GRM7: variants seen among roughly 807,000 people sequenced by gnomAD.
GRM7 encodes glutamate metabotropic receptor 7.
A neutral mutation model predicts 84.5 loss-of-function variants in GRM7; 35 were observed. The observed-to-expected ratio is 0.41, with a 90% CI of 0.32 to 0.55. The LOEUF (loss-of-function observed/expected upper bound fraction) is 0.55. Ranked by LOEUF, GRM7 falls within the 20% of genes least tolerant of loss-of-function variation. GRM7 has a pLI of 0.19. For missense variants in GRM7, 1,003 were observed against 1,194.6 expected, an observed-to-expected ratio of 0.84 and a Z score of 2.36; for synonymous variants, 487 against 455.1, an observed-to-expected ratio of 1.07 and a Z score of -0.89.
intron 4 of GRM7, among the ~76,000 whole-genome samples, chr3:7,395,007 C>T (rs1045503127): frequency 8.1e-5 from 12 of 148,576 alleles, no homozygotes; most frequent in South Asian, 4.3e-4. Flanking sequence ...CATTGCACTC[C>T]AGCCTGAGCA....
At chr3:7,519,017 G>A (rs1700493646) in intron 7 of GRM7, among the ~76,000 whole-genome samples, 1 of 152,122 alleles carries the variant, frequency 6.6e-6, no homozygotes, top group South Asian at 2.1e-4. Flanking sequence ...TGACAATGAG[G>A]CATTATTCTC....
At chr3:7,397,719 T>G (rs1695269713) in intron 4 of GRM7, among the ~76,000 whole-genome samples, 1 of 152,100 alleles carries the variant, frequency 6.6e-6, no homozygotes, top group African/African-American at 2.4e-5. Flanking sequence ...TAAAAAGCAT[T>G]AAATCAGTTG....
intron 1 of GRM7, among the ~76,000 whole-genome samples, chr3:7,068,829 CT>C: frequency 6.6e-6 from 1 of 151,998 alleles, no homozygotes; most frequent in East Asian, 1.9e-4. Flanking sequence ...AAAAAAACCC[CT>C]GATATATATT....
chr3:7,475,893 G>A (rs1698902543), intron 7 of GRM7, among the ~76,000 whole-genome samples: 1 of 152,174 alleles, frequency 6.6e-6, no homozygotes, highest in South Asian at 2.1e-4. Context: ...ACCATCTGGA[G>A]CTACTATGGG....
intron 7 of GRM7, among the ~76,000 whole-genome samples, chr3:7,554,022 C>A (rs1262453508): frequency 6.6e-6 from 1 of 152,144 alleles, no homozygotes; most frequent in Admixed American, 6.5e-5. Flanking sequence ...TAAAGGGTCT[C>A]ATGTCTCAGT....
At position 7,144,631 on chromosome 3, in the gene GRM7, G is replaced by C. The variant is rs1006607883; in HGVS notation, c.520-1821G>C. ...TAAGCACTCCTCTGTTCCAGGCATC[G>C]TGCAAAGCAATGCACATTCATTTTC... is the stretch of plus-strand genomic sequence containing the variant. On this transcript the variant is annotated intron_variant, in intron 1 of 9. Coordinates refer to ENST00000357716, the MANE Select transcript of GRM7 (RefSeq NM_000844.4). Among the ~76,000 whole-genome samples, 34 of 152,214 alleles carry C rather than the reference G, an allele frequency of 2.2e-4. 3 individuals are homozygous for C. The highest frequency in any genetic ancestry group is 1.3e-3 in the Admixed American group (20 of 15,280).
chr3:7,733,285 G>A (rs1233149071), intron 9 of GRM7, among the ~76,000 whole-genome samples: 3 of 152,156 alleles, frequency 2.0e-5, no homozygotes, highest in African/African-American at 7.2e-5. Flanking sequence ...GAAGAGTGAG[G>A]AGGGCAGAAT....
At chr3:7,617,123 T>TTGTG (rs1025507102) in intron 8 of GRM7, among the ~76,000 whole-genome samples, 2 of 151,982 alleles carry the variant, frequency 1.3e-5, no homozygotes, top group Non-Finnish European at 2.9e-5. Flanking sequence ...TTGCAATTCT[T>TTGTG]TGTGTGTGTG....
At chr3:7,642,828 A>C (rs1698425131) in intron 8 of GRM7, among the ~76,000 whole-genome samples, 1 of 152,184 alleles carries the variant, frequency 6.6e-6, no homozygotes, top group Non-Finnish European at 1.5e-5. Context: ...TCTGTTTCTC[A>C]TGTATGAGAA....
chr3:7,123,058 C>T (rs898127481), intron 1 of GRM7, among the ~76,000 whole-genome samples: 6 of 152,210 alleles, frequency 3.9e-5, no homozygotes, highest in Admixed American at 3.3e-4. Context: ...TCACTATAAT[C>T]AGAAACATTT....
chr3:7,146,355 G>C (rs756618223), intron 1 of GRM7, 97 bp from the exon 2 acceptor site: 26 of 958,534 alleles, frequency 2.7e-5, no homozygotes, highest in Non-Finnish European at 4.3e-5. Context: ...CTCCTTTGCA[G>C]CTCAAACCCT....
At chr3:7,457,047 T>A (rs936623008) in intron 6 of GRM7, among the ~76,000 whole-genome samples, 1 of 152,178 alleles carries the variant, frequency 6.6e-6, no homozygotes, top group Non-Finnish European at 1.5e-5. Context: ...AGAACTCAAG[T>A]CTTTTTCCAA....
intron 8 of GRM7, among the ~76,000 whole-genome samples, chr3:7,655,002 G>A (rs1420652871): frequency 2.6e-5 from 4 of 152,026 alleles, no homozygotes; most frequent in Admixed American, 1.3e-4. Flanking sequence ...CTCTCTTAAC[G>A]GTGTCCTCAA....
At chr3:7,071,456 A>G (rs1457738407) in intron 1 of GRM7, among the ~76,000 whole-genome samples, 1 of 152,000 alleles carries the variant, frequency 6.6e-6, no homozygotes, top group African/African-American at 2.4e-5. Context: ...GCTGTCTTCC[A>G]CTTTCTAAAC....
chr3:6,894,203 T>A (rs769764724), intron 1 of GRM7, among the ~76,000 whole-genome samples: 1 of 152,206 alleles, frequency 6.6e-6, no homozygotes, highest in Non-Finnish European at 1.5e-5. Flanking sequence ...CTTTTCCCCC[T>A]TGTTACATTG....
At chr3:7,532,659 C>G (rs1213632886) in intron 7 of GRM7, among the ~76,000 whole-genome samples, 1 of 151,732 alleles carries the variant, frequency 6.6e-6, no homozygotes, top group Non-Finnish European at 1.5e-5. Context: ...TTGTCTTCTG[C>G]TAGCTTTTGA....
chr3:7,468,542 T>A (rs1698555362), intron 7 of GRM7, among the ~76,000 whole-genome samples: 1 of 152,192 alleles, frequency 6.6e-6, no homozygotes, highest in Non-Finnish European at 1.5e-5. Context: ...CAGCAAATGT[T>A]AGCCGCAACA....
chr3:7,692,977 CT>C (rs376324014), intron 9 of GRM7, among the ~76,000 whole-genome samples: 226 of 143,380 alleles, frequency 1.6e-3, no homozygotes, highest in African/African-American at 2.1e-3. Context: ...TTCTTTCTTT[CT>C]TTTTTTTTTT....
chr3:7,323,521 C>T (rs528814686), intron 4 of GRM7, among the ~76,000 whole-genome samples: 1 of 152,118 alleles, frequency 6.6e-6, no homozygotes, highest in Non-Finnish European at 1.5e-5. Context: ...AATATGATAT[C>T]ATCAATATAG....
Sources: gnomAD v4.1 joint callset for allele counts (sites outside exome capture counted in the v4.1 genomes callset) on GRCh38, gnomAD v4.1.1 for gene constraint, MANE v1.5 for transcripts, NCBI Gene and HGNC (gene_info 2026-07-23, HGNC 2026-07-21) for gene names.